ZNF337: variants seen among roughly 807,000 people sequenced by gnomAD.
The protein encoded by ZNF337 is zinc finger protein 337.
ZNF337 carries 8 observed loss-of-function variants against 12.1 expected under a neutral mutation model. That is an observed-to-expected ratio of 0.66 (90% CI 0.39 to 1.19). The LOEUF (loss-of-function observed/expected upper bound fraction) is 1.19. ZNF337 is among the 50% of genes most tolerant of loss of function. The pLI is 0.01. For synonymous variants in ZNF337, 336 were observed against 320.0 expected (o/e 1.05, Z -0.53); for missense variants, 882 against 896.6 (o/e 0.98, Z 0.21).
intron 1 of ZNF337, among the ~76,000 whole-genome samples, chr20:25,691,000 C>A (rs1045991122): frequency 5.9e-5 from 9 of 152,058 alleles, no homozygotes; most frequent in Non-Finnish European, 1.3e-4. Context: ...AAACCTTCCC[C>A]GGAGAAACAT....
At chr20:25,683,760 G>A (rs1237600260) in intron 4 of ZNF337, among the ~76,000 whole-genome samples, 1 of 152,156 alleles carries the variant, frequency 6.6e-6, no homozygotes, top group Non-Finnish European at 1.5e-5. Flanking sequence ...TGGTGGGACT[G>A]TAAACTAGTT....
In ZNF337 at chr20:25,676,936, C is replaced by T. The variant is rs969940971; in HGVS notation, c.352G>A (p.Ala118Thr). 6.2e-6 allele frequency: 10 copies of T among 1,613,988 alleles called. No homozygotes were observed. The highest frequency in any genetic ancestry group is 6.8e-6 in the Non-Finnish European group (8 of 1,180,026). The change falls in exon 5 of 5, where the codon GCT becomes ACT. Residue 118 changes from alanine (A) to threonine (T), a missense_variant. Ala to Thr is a moderately conservative substitution (Grantham distance 58). Transcript: ENST00000252979. The part of the protein sequence containing the change: ...FSDQSFQSDT[A>T]EGQEKEKSTK... ...CTTTTTTCTTTCTCTTGACCTTCAGCTGTGTCACTCTGGAAGCTTTGATCA... is the reference window on the plus strand; with the variant it reads ...CTTTTTTCTTTCTCTTGACCTTCAGTTGTGTCACTCTGGAAGCTTTGATCA...
intron 4 of ZNF337, among the ~76,000 whole-genome samples, chr20:25,682,643 G>T (rs921095808): frequency 6.6e-6 from 1 of 152,006 alleles, no homozygotes; most frequent in African/African-American, 2.4e-5. Context: ...AACCAGCCTG[G>T]CCAACATGGT....
At chr20:25,693,133 G>A (rs1322883204) in intron 1 of ZNF337, among the ~76,000 whole-genome samples, 1 of 152,170 alleles carries the variant, frequency 6.6e-6, no homozygotes, top group Non-Finnish European at 1.5e-5. Context: ...CTGTAGTGCA[G>A]TGGCATGTTC....
intron 4 of ZNF337, among the ~76,000 whole-genome samples, chr20:25,681,714 G>T (rs1417712947): frequency 6.6e-6 from 1 of 152,042 alleles, no homozygotes; most frequent in African/African-American, 2.4e-5. Flanking sequence ...GTTGTCATAG[G>T]GGTCCAGATT....
Position 25,675,203 on chromosome 20 carries a change from G to C in ZNF337, c.2085C>G (p.Thr695=), listed in dbSNP as rs781532250. 1.2e-6 allele frequency: 2 copies of C among 1,614,222 alleles called. No individual in the cohort carries two copies. Among genetic ancestry groups the C allele is most frequent in the Non-Finnish European group, 1.7e-6 (2 of 1,180,046 alleles). Residue 695 remains threonine, a synonymous_variant, in exon 5 of 5, where the codon ACC becomes ACG. Transcript: ENST00000252979. Reference sequence around the variant, plus strand: ...CATGCACAGTGAGGTCTGACTTACTGGTATAGCCTCGCTTACACTCCTGGC... The same window carrying C: ...CATGCACAGTGAGGTCTGACTTACTCGTATAGCCTCGCTTACACTCCTGGC... The part of the protein sequence containing the change: ...FVCQECKRGY[T]SKSDLTVHER...
intron 4 of ZNF337, 77 bp from the exon 5 acceptor site, chr20:25,677,114 C>T (rs1300941135): frequency 8.7e-7 from 1 of 1,154,632 alleles, no homozygotes; most frequent in Non-Finnish European, 1.2e-6. Flanking sequence ...AACCATATTG[C>T]TTTACTGCTT....
chr20:25,686,663 C>T (rs748430858), intron 1 of ZNF337, 197 bp from the exon 2 acceptor site: 2 of 561,022 alleles, frequency 3.6e-6, no homozygotes, highest in South Asian at 2.3e-5. Flanking sequence ...GTGAAGTGTG[C>T]CCCAGGAGCT....
chr20:25,689,244 C>A (rs1030442615), intron 1 of ZNF337, among the ~76,000 whole-genome samples: 2 of 151,920 alleles, frequency 1.3e-5, no homozygotes, highest in African/African-American at 4.8e-5. Context: ...GCAGAGCTTG[C>A]AGTGAGCGGA....
rs914914141 is a variant in ZNF337, at chr20:25,674,014, G to A, written c.*1018C>T. The A allele has an allele frequency of 5.9e-5, 9 of 152,302 alleles. 1 individual carries two copies. In the Middle Eastern group the frequency reaches 0.01, roughly 173 times the overall value. The allele number at this position is 152,302 out of a possible 1,614,324, so 9.4% of individuals were successfully genotyped here. On this transcript the variant is annotated 3_prime_UTR_variant, in exon 5 of 5. Transcript: ENST00000252979. Reference sequence around the variant, plus strand: ...CTTTACTCCTGCCAGGCAGGTGAGTGGTCCCCAGATCCCTATTTTACCACT... The same window carrying A: ...CTTTACTCCTGCCAGGCAGGTGAGTAGTCCCCAGATCCCTATTTTACCACT...
chr20:25,682,106 G>C (rs1474327244), intron 4 of ZNF337, among the ~76,000 whole-genome samples: 2 of 152,114 alleles, frequency 1.3e-5, no homozygotes, highest in African/African-American at 2.4e-5. Context: ...AAGTATTATA[G>C]GATGTAAACT....
Position 25,675,281 on chromosome 20 carries a change from T to C in ZNF337, c.2007A>G (p.Arg669=). Residue 669 remains arginine, a synonymous_variant, in exon 5 of 5, where the codon AGA becomes AGG. Transcript: ENST00000252979. ...NVCGQGFSWK[R]SLTRHHWRIH... is the part of the protein sequence containing the mutation. ...TCCGCCAGTGGTGTCTGGTGAGACT[T>C]CTCTTCCAGCTGAAGCCTTGCCCAC... The C allele has an allele frequency of 1.2e-6, 2 of 1,613,916 alleles. No individual in the cohort carries two copies. The highest frequency in any genetic ancestry group is 1.7e-6 in the Non-Finnish European group (2 of 1,179,998).
chr20:25,684,152 A>C (rs1385018795), intron 4 of ZNF337, among the ~76,000 whole-genome samples: 1 of 140,010 alleles, frequency 7.1e-6, no homozygotes, highest in South Asian at 2.3e-4. Flanking sequence ...GAATTGAACA[A>C]TGAGAACACA....
chr20:25,684,001 C>T (rs1472841831), intron 4 of ZNF337, among the ~76,000 whole-genome samples: 2 of 151,974 alleles, frequency 1.3e-5, no homozygotes, highest in African/African-American at 4.8e-5. Context: ...GGCACATATA[C>T]ACCATGGAAT....
intron 1 of ZNF337, among the ~76,000 whole-genome samples, chr20:25,691,043 G>C (rs2065878604): frequency 6.6e-6 from 1 of 152,124 alleles, no homozygotes. Flanking sequence ...ATTTTAGACT[G>C]TCTAAAATAT....
At chr20:25,696,169 G>C (rs2065926315) in intron 1 of ZNF337, among the ~76,000 whole-genome samples, 1 of 145,762 alleles carries the variant, frequency 6.9e-6, no homozygotes, top group African/African-American at 2.6e-5. Context: ...ATCCGCGGAA[G>C]ATCGTCCCAA....
intron 4 of ZNF337, among the ~76,000 whole-genome samples, chr20:25,683,179 CTG>C (rs1483304487): frequency 6.6e-6 from 1 of 152,170 alleles, no homozygotes; most frequent in Non-Finnish European, 1.5e-5. Flanking sequence ...CAGGGCCTAA[CTG>C]TGAACTAAAA....
At chr20:25,683,859 A>G (rs2122410037) in intron 4 of ZNF337, among the ~76,000 whole-genome samples, 1 of 152,206 alleles carries the variant, frequency 6.6e-6, no homozygotes, top group East Asian at 1.9e-4. Flanking sequence ...CCAGGTATAT[A>G]CCCAAAGGAA....
chr20:25,693,606 G>A (rs2065898257), intron 1 of ZNF337, among the ~76,000 whole-genome samples: 1 of 152,212 alleles, frequency 6.6e-6, no homozygotes, highest in Non-Finnish European at 1.5e-5. Flanking sequence ...GAAATGTAGG[G>A]ACAATGATGG....
Sources: allele counts gnomAD v4.1 joint callset (sites outside exome capture counted in the v4.1 genomes callset), GRCh38; gene constraint gnomAD v4.1.1; transcripts MANE v1.5; gene names NCBI Gene and HGNC (gene_info 2026-07-23, HGNC 2026-07-21).